GNAQ: variants seen among roughly 807,000 people sequenced by gnomAD.
The protein encoded by GNAQ is guanine nucleotide-binding protein G(q) subunit alpha.
Under a neutral mutation model 43.9 loss-of-function variants are expected in GNAQ, and 8 were observed. The observed-to-expected ratio is 0.18, with a 90% CI of 0.11 to 0.33. The LOEUF (loss-of-function observed/expected upper bound fraction) is 0.33. GNAQ is among the 10% of genes least tolerant of loss of function. The pLI is 1.00. For synonymous variants in GNAQ, 155 were observed against 170.7 expected (o/e 0.91, Z 0.71); for missense variants, 158 against 450.8 (o/e 0.35, Z 5.88).
intron 1 of GNAQ, among the ~76,000 whole-genome samples, chr9:78,015,080 T>G (rs1823822064): frequency 6.6e-6 from 1 of 152,224 alleles, no homozygotes; most frequent in Admixed American, 6.5e-5. Flanking sequence ...ATTTCCAGCC[T>G]GCAAGCTCCA....
chr9:77,873,154 A>C (rs1406842460), intron 2 of GNAQ, among the ~76,000 whole-genome samples: 4 of 152,226 alleles, frequency 2.6e-5, no homozygotes, highest in Non-Finnish European at 5.9e-5. Flanking sequence ...AGCTAGCTGA[A>C]GAATAGAAAC....
intron 3 of GNAQ, among the ~76,000 whole-genome samples, chr9:77,813,917 G>A (rs749840731): frequency 1.3e-5 from 2 of 152,154 alleles, no homozygotes; most frequent in African/African-American, 2.4e-5. Context: ...GGATGAGTTA[G>A]TTTTAAAGGC....
At chr9:77,858,594 T>C (rs1196587734) in intron 2 of GNAQ, among the ~76,000 whole-genome samples, 1 of 152,042 alleles carries the variant, frequency 6.6e-6, no homozygotes, top group Non-Finnish European at 1.5e-5. Context: ...TTCACCCTCC[T>C]CTGTAGTGTC....
chr9:77,898,003 G>A (rs558728557), intron 2 of GNAQ, among the ~76,000 whole-genome samples: 27 of 149,604 alleles, frequency 1.8e-4, no homozygotes, highest in African/African-American at 5.9e-4. Context: ...AAAGTGAATT[G>A]TAAGAAGGGC....
intron 1 of GNAQ, among the ~76,000 whole-genome samples, chr9:77,985,104 A>G (rs1234626711): frequency 6.6e-6 from 1 of 152,088 alleles, no homozygotes; most frequent in African/African-American, 2.4e-5. Context: ...AGGTGAGGAG[A>G]TCGAGACCAT....
At chr9:77,794,345 ATCAAATT>A (rs1359899223) in intron 5 of GNAQ, 111 bp downstream of exon 5, 1 of 663,436 alleles carries the variant, frequency 1.5e-6, no homozygotes, top group African/African-American at 1.8e-5. Context: ...AAGTCCTAAA[ATCAAATT>A]TCAAGAAAGC....
At chr9:77,895,824 T>C (rs959753151) in intron 2 of GNAQ, among the ~76,000 whole-genome samples, 1 of 152,160 alleles carries the variant, frequency 6.6e-6, no homozygotes, top group Non-Finnish European at 1.5e-5. Flanking sequence ...TCATGAGATC[T>C]GACCATTTTA....
At chr9:77,780,709 T>C (rs1826382236) in intron 5 of GNAQ, among the ~76,000 whole-genome samples, 1 of 151,972 alleles carries the variant, frequency 6.6e-6, no homozygotes, top group South Asian at 2.1e-4. Flanking sequence ...AGCAGCTATA[T>C]TAGTTTACGT....
chr9:77,907,116 G>A (rs946117639), intron 2 of GNAQ, among the ~76,000 whole-genome samples: 2 of 152,294 alleles, frequency 1.3e-5, no homozygotes, highest in South Asian at 4.1e-4. Context: ...GTACAGCTAT[G>A]TTCACATACC....
intron 2 of GNAQ, among the ~76,000 whole-genome samples, chr9:77,860,613 T>C (rs1385629064): frequency 6.6e-6 from 1 of 152,224 alleles, no homozygotes; most frequent in African/African-American, 2.4e-5. Context: ...GAGAATCTGA[T>C]GCCGCCACTG....
At chr9:78,006,538 T>C (rs1436965602) in intron 1 of GNAQ, among the ~76,000 whole-genome samples, 1 of 152,196 alleles carries the variant, frequency 6.6e-6, no homozygotes, top group African/African-American at 2.4e-5. Context: ...TTATCTGCAA[T>C]CCCAGGACTA....
chr9:77,754,573 T>C (rs1825868873), intron 5 of GNAQ, among the ~76,000 whole-genome samples: 1 of 152,212 alleles, frequency 6.6e-6, no homozygotes, highest in South Asian at 2.1e-4. Context: ...AGAATATCAA[T>C]GGCAGATATA....
intron 1 of GNAQ, among the ~76,000 whole-genome samples, chr9:78,007,487 G>A (rs1245605270): frequency 3.3e-5 from 5 of 151,584 alleles, no homozygotes; most frequent in African/African-American, 4.8e-5. Flanking sequence ...TTTACCACGG[G>A]TTCTAAAAAT....
rs2118559773 is a variant in GNAQ at position 78,004,212 on chromosome 9, T to C, written c.136+26888A>G. ...TGACCATCCAAAGTTGGTATATAAA[T>C]ACTCCAGTTGGCTATGACTGAGCCA... On this transcript the variant is annotated intron_variant, in intron 1 of 6. Coordinates refer to ENST00000286548, the MANE Select transcript of GNAQ (RefSeq NM_002072.5). Among the ~76,000 whole-genome samples, 3 of 147,858 alleles carry C rather than the reference T, an allele frequency of 2.0e-5. No individual in the cohort carries two copies. In the Admixed American group the frequency reaches 2.0e-4, roughly 10 times the overall value.
chr9:77,900,210 A>G (rs188786598), intron 2 of GNAQ, among the ~76,000 whole-genome samples: 17 of 152,294 alleles, frequency 1.1e-4, no homozygotes, highest in South Asian at 6.2e-4. Flanking sequence ...CTAAGTTTCA[A>G]TAAGTAGGAA....
At chr9:77,798,987 A>G (rs1826702117) in intron 3 of GNAQ, among the ~76,000 whole-genome samples, 1 of 152,228 alleles carries the variant, frequency 6.6e-6, no homozygotes, top group African/African-American at 2.4e-5. Context: ...TGGCAGTCAC[A>G]CATATGTTCT....
intron 1 of GNAQ, among the ~76,000 whole-genome samples, chr9:77,938,777 G>A (rs1054709779): frequency 6.6e-6 from 1 of 152,184 alleles, no homozygotes; most frequent in East Asian, 1.9e-4. Context: ...GTTGTCAAAC[G>A]CATTTTCAGG....
intron 3 of GNAQ, among the ~76,000 whole-genome samples, chr9:77,812,833 T>C (rs1826948484): frequency 6.6e-6 from 1 of 152,030 alleles, no homozygotes; most frequent in African/African-American, 2.4e-5. Context: ...CAGCATAAAA[T>C]GTGATTAAAA....
At chr9:78,021,101 G>A (rs1564180654) in intron 1 of GNAQ, among the ~76,000 whole-genome samples, 1 of 145,624 alleles carries the variant, frequency 6.9e-6, no homozygotes, top group Non-Finnish European at 1.5e-5. Flanking sequence ...CTAAGCTGGA[G>A]TGCAGTGGCA....
Sources: gnomAD v4.1 joint callset for allele counts (sites outside exome capture counted in the v4.1 genomes callset) on GRCh38, gnomAD v4.1.1 for gene constraint, MANE v1.5 for transcripts, NCBI Gene and HGNC (gene_info 2026-07-23, HGNC 2026-07-21) for gene names.